Variants in MSRB3 observed in about 807,000 individuals in gnomAD.
The protein encoded by MSRB3 is methionine-R-sulfoxide reductase B3.
In MSRB3, 13 loss-of-function variants were observed where a neutral mutation model predicts 21.0. That is an observed-to-expected ratio of 0.62 (90% confidence interval 0.40 to 0.98). The LOEUF is 0.98. Among genes scored for constraint, MSRB3 ranks in the 50% least tolerant of loss-of-function variants. MSRB3 has a pLI of 0.00. For missense variants in MSRB3, 199 were observed against 230.3 expected, an observed-to-expected ratio of 0.86 and a Z score of 0.88; for synonymous variants, 87 against 88.6, an observed-to-expected ratio of 0.98 and a Z score of 0.10.
chr12:65,376,441 C>T (rs1025077807), intron 5 of MSRB3, among the ~76,000 whole-genome samples: 1 of 152,170 alleles, frequency 6.6e-6, no homozygotes, highest in African/African-American at 2.4e-5. Flanking sequence ...ATTACCATCC[C>T]TGTGTTGTCA....
intron 5 of MSRB3, among the ~76,000 whole-genome samples, chr12:65,435,454 C>T (rs1460151747): frequency 6.6e-6 from 1 of 151,792 alleles, no homozygotes; most frequent in African/African-American, 2.4e-5. Context: ...TGAATCTTTG[C>T]CAGCTTCTCC....
intron 2 of MSRB3, among the ~76,000 whole-genome samples, chr12:65,321,669 G>C (rs1342942719): frequency 6.6e-6 from 1 of 152,072 alleles, no homozygotes; most frequent in East Asian, 1.9e-4. Flanking sequence ...AAAAATGATA[G>C]TTATGGTATA....
chr12:65,387,057 A>G (rs1879228742), intron 5 of MSRB3, among the ~76,000 whole-genome samples: 1 of 152,082 alleles, frequency 6.6e-6, no homozygotes, highest in South Asian at 2.1e-4. Context: ...TGTAGAGCTA[A>G]TGGGTGACAG....
chr12:65,446,098 G>T (rs995945897), intron 5 of MSRB3, among the ~76,000 whole-genome samples: 80 of 152,228 alleles, frequency 5.3e-4, no homozygotes, highest in African/African-American at 1.9e-3. Context: ...GACTATTGTT[G>T]GTTTGAAGTA....
chr12:65,278,977 C>T, intron 1 of MSRB3, 112 bp downstream of exon 1: 1 of 1,494,514 alleles, frequency 6.7e-7, no homozygotes, highest in South Asian at 1.3e-5. Flanking sequence ...TGCTGCGCCC[C>T]CTCGGCCACC....
intron 2 of MSRB3, among the ~76,000 whole-genome samples, chr12:65,319,762 T>C (rs1170817305): frequency 6.6e-6 from 1 of 152,124 alleles, no homozygotes; most frequent in African/African-American, 2.4e-5. Flanking sequence ...TTTGGGAAAA[T>C]AAAGCAGAAA....
At chr12:65,336,405 G>A (rs796256665) in intron 4 of MSRB3, among the ~76,000 whole-genome samples, 29 of 152,254 alleles carry the variant, frequency 1.9e-4, no homozygotes, top group African/African-American at 6.3e-4. Flanking sequence ...AAGAACTGAA[G>A]CAATAGATAC....
At chr12:65,424,111 T>G (rs888765387) in intron 5 of MSRB3, among the ~76,000 whole-genome samples, 1 of 152,160 alleles carries the variant, frequency 6.6e-6, no homozygotes, top group Admixed American at 6.5e-5. Flanking sequence ...GGTCATCCAA[T>G]TTTTTGGCAT....
At chr12:65,301,216 C>T in intron 1 of MSRB3, among the ~76,000 whole-genome samples, 1 of 151,842 alleles carries the variant, frequency 6.6e-6, no homozygotes, top group Admixed American at 6.6e-5. Flanking sequence ...AGACTAAAGG[C>T]TTTATTATAA....
At chr12:65,431,045 A>G (rs766320217) in intron 5 of MSRB3, among the ~76,000 whole-genome samples, 4 of 152,120 alleles carry the variant, frequency 2.6e-5, no homozygotes, top group Admixed American at 6.6e-5. Context: ...ATACTTCATT[A>G]GATTACTTTA....
chr12:65,350,444 C>A (rs1355539212), intron 4 of MSRB3, among the ~76,000 whole-genome samples: 1 of 151,066 alleles, frequency 6.6e-6, no homozygotes, highest in Non-Finnish European at 1.5e-5. Flanking sequence ...ATGACAGGAT[C>A]AAATTCACAC....
intron 3 of MSRB3, 30 bp from the exon 4 acceptor site, chr12:65,328,496 A>T: frequency 6.7e-7 from 1 of 1,485,652 alleles, no homozygotes. Context: ...TGCTAACTTT[A>T]ATTTTTTAAA....
At chr12:65,353,445 C>G (rs966655748) in intron 4 of MSRB3, among the ~76,000 whole-genome samples, 9 of 152,140 alleles carry the variant, frequency 5.9e-5, no homozygotes, top group African/African-American at 2.2e-4. Flanking sequence ...ATAGTTAGCT[C>G]TTCTTGTTGA....
In MSRB3 at chr12:65,466,722, C is replaced by T. The variant is rs912718512; in HGVS notation, c.*3400C>T. 2 of 152,154 alleles carry T rather than the reference C, an allele frequency of 1.3e-5. No homozygotes were observed. Among genetic ancestry groups the T allele is most frequent in the African/African-American group, 4.8e-5 (2 of 41,434 alleles). 9.4% of individuals were successfully genotyped at this position (152,154 alleles called of 1,614,324 possible). A position where few individuals can be genotyped will look rare whatever the true frequency, so the allele number is the denominator to read the frequency against. ...AAAATGTCTTGCTTTAAATACAAAA[C>T]AAATGGTAAAGGGGATTATCTTTTG... On this transcript the variant is annotated 3_prime_UTR_variant, in exon 7 of 7. Transcript: ENST00000308259.
chr12:65,442,177 A>C (rs1256048017), intron 5 of MSRB3, among the ~76,000 whole-genome samples: 1 of 152,046 alleles, frequency 6.6e-6, no homozygotes, highest in African/African-American at 2.4e-5. Flanking sequence ...AAAGATCTAA[A>C]GCCTATTCAG....
At chr12:65,397,436 A>G (rs907158883) in intron 5 of MSRB3, among the ~76,000 whole-genome samples, 1 of 152,076 alleles carries the variant, frequency 6.6e-6, no homozygotes, top group African/African-American at 2.4e-5. Flanking sequence ...AGTTGGATTA[A>G]TATCTACTAC....
intron 4 of MSRB3, among the ~76,000 whole-genome samples, chr12:65,342,420 A>G (rs1226514594): frequency 6.6e-6 from 1 of 152,012 alleles, no homozygotes; most frequent in Non-Finnish European, 1.5e-5. Flanking sequence ...AAAATGAGGT[A>G]AAAAGATGAA....
At chr12:65,447,631 C>T (rs1233749621) in intron 5 of MSRB3, among the ~76,000 whole-genome samples, 1 of 152,024 alleles carries the variant, frequency 6.6e-6, no homozygotes, top group Non-Finnish European at 1.5e-5. Context: ...ATCAAAATAA[C>T]TGTCGGAATG....
chr12:65,466,048 C>G lies in MSRB3; in HGVS notation c.*2726C>G, dbSNP rs533480971. ...GGAGGATCAGTGAGAGGCCTCTTCC[C>G]TCTCCACAGAGACTGGATTGTCATT... On this transcript the variant is annotated 3_prime_UTR_variant, in exon 7 of 7. Coordinates refer to ENST00000308259, the MANE Select transcript of MSRB3 (RefSeq NM_001031679.3). 2 of 152,254 alleles carry G rather than the reference C, an allele frequency of 1.3e-5. No individual in the cohort carries two copies. The highest frequency in any genetic ancestry group is 4.1e-4 in the South Asian group (2 of 4,820). The allele number at this position is 152,254 out of a possible 1,614,324, so 9.4% of individuals were successfully genotyped here.
Sources: allele counts gnomAD v4.1 joint callset (sites outside exome capture counted in the v4.1 genomes callset), GRCh38; gene constraint gnomAD v4.1.1; transcripts MANE v1.5; gene names NCBI Gene and HGNC (gene_info 2026-07-23, HGNC 2026-07-21).